Variants in USP24 observed in about 807,000 individuals in gnomAD.
USP24 encodes the protein ubiquitin carboxyl-terminal hydrolase 24.
USP24 carries 97 observed loss-of-function variants against 361.6 expected under a neutral mutation model. That is an observed-to-expected ratio of 0.27 (90% CI 0.23 to 0.32). USP24 has a LOEUF of 0.32. Among genes scored for constraint, USP24 ranks in the 10% least tolerant of loss-of-function variants. USP24 has a pLI of 1.00. For missense variants in USP24, 2,353 were observed against 3,165.6 expected (o/e 0.74, Z 6.16); for synonymous variants, 1,098 against 1,124.6 (o/e 0.98, Z 0.47).
intron 32 of USP24, among the ~76,000 whole-genome samples, chr1:55,126,580 A>G (rs995625267): frequency 2.0e-5 from 3 of 152,268 alleles, no homozygotes; most frequent in Non-Finnish European, 4.4e-5. Flanking sequence ...TAAATGACAT[A>G]CACAAATAAG....
At chr1:55,137,281 C>T (rs1304933056) in intron 28 of USP24, among the ~76,000 whole-genome samples, 3 of 152,136 alleles carry the variant, frequency 2.0e-5, no homozygotes, top group Non-Finnish European at 4.4e-5. Flanking sequence ...AAAAGAAAAG[C>T]TGGAAACGAG....
At chr1:55,118,640 T>C (rs1209729681) in intron 38 of USP24, among the ~76,000 whole-genome samples, 1 of 152,222 alleles carries the variant, frequency 6.6e-6, no homozygotes, top group African/African-American at 2.4e-5. Flanking sequence ...AACCCACAGA[T>C]TGGGAGAAAA....
intron 19 of USP24, 110 bp downstream of exon 19, chr1:55,146,819 C>A (rs1647041300): frequency 3.0e-6 from 4 of 1,324,126 alleles, no homozygotes; most frequent in Non-Finnish European, 4.1e-6. Context: ...TTGGCCCATA[C>A]TATTTATGCT....
chr1:55,103,738 T>C, intron 42 of USP24, 138 bp downstream of exon 42: 1 of 869,444 alleles, frequency 1.2e-6, no homozygotes, highest in Non-Finnish European at 1.7e-6. Context: ...TATACTTGAT[T>C]TGAGTATGTG....
intron 17 of USP24, among the ~76,000 whole-genome samples, chr1:55,148,139 C>A (rs1647082657): frequency 6.6e-6 from 1 of 152,110 alleles, no homozygotes; most frequent in East Asian, 1.9e-4. Context: ...GCAAACTAAT[C>A]TTTTTGTGAT....
At chr1:55,168,879 G>C (rs1436282333) in intron 5 of USP24, among the ~76,000 whole-genome samples, 1 of 152,078 alleles carries the variant, frequency 6.6e-6, no homozygotes, top group African/African-American at 2.4e-5. Context: ...TTGGAAGAAA[G>C]AACTTTCAAC....
Position 55,154,191 on chromosome 1 carries a change from A to G in USP24, c.1740T>C (p.Leu580=), listed in dbSNP as rs1004137610. 1 of 1,613,500 alleles carries G rather than the reference A, an allele frequency of 6.2e-7. No individual in the cohort carries two copies. Among genetic ancestry groups the G allele is most frequent in the African/African-American group, 1.3e-5 (1 of 74,896 alleles). The change falls in exon 15 of 68, where the codon CTT becomes CTC. Residue 580 remains leucine, a synonymous_variant. Transcript: ENST00000294383. ...CTTCTTTCACTGCATATGCATCACT[A>G]AGGATTGTCAGGTGCTCCTCCAAGG... ...QQALEEHLTI[L]SDAYAVKEAI...
In USP24 at chr1:55,171,686, C is replaced by T. The variant is rs576473331; in HGVS notation, c.703-8G>A. On this transcript the variant is annotated splice_region_variant and splice_polypyrimidine_tract_variant and intron_variant, in intron 4 of 67. Coordinates refer to ENST00000294383, the MANE Select transcript of USP24 (RefSeq NM_015306.3). ...ATTATCAGGATTGAAAGCCTAGATT[C>T]AAAGAGAACAGAGAAACATTATTAT... is the stretch of plus-strand genomic sequence containing the variant. 1.3e-6 allele frequency: 2 copies of T among 1,598,118 alleles called. No individual in the cohort carries two copies. Among genetic ancestry groups the T allele is most frequent in the Admixed American group, 3.4e-5 (2 of 58,090 alleles).
At chr1:55,107,529 T>C in intron 39 of USP24, 99 bp from the exon 40 acceptor site, 1 of 1,330,232 alleles carries the variant, frequency 7.5e-7, no homozygotes, top group Middle Eastern at 2.2e-4. Flanking sequence ...CCCCAATCTT[T>C]CACTTTACAG....
Position 55,097,124 on chromosome 1 carries a change from G to C in USP24, c.5764C>G (p.Arg1922Gly). 1 of 1,613,920 alleles carries C rather than the reference G, an allele frequency of 6.2e-7. No homozygotes were observed. Among genetic ancestry groups the C allele is most frequent in the Non-Finnish European group, 8.5e-7 (1 of 1,179,876 alleles). ...CCAACTTCAGAAGAAGAATCTTGGC[G>C]AGCCATTCCTGAAACTGTGTAAGGC... ...MEPYTVSGMA[R>G]QDSSSEVGEN... is the part of the protein sequence containing the mutation. Residue 1922 changes from arginine to glycine, a missense_variant, in exon 49 of 68, where the codon CGC (arginine) becomes GGC (glycine). By Grantham distance (125) the Arg-to-Gly change is moderately radical. Coordinates refer to ENST00000294383, the MANE Select transcript of USP24 (RefSeq NM_015306.3).
rs534620228 is a variant in USP24, at chr1:55,071,609, C to T, written c.7800+205G>A. 2.1e-5 allele frequency: 25 copies of T among 1,179,078 alleles called. No homozygotes were observed. In the South Asian group the frequency reaches 3.4e-4, roughly 16 times the overall value. 73.0% of individuals were successfully genotyped at this position (1,179,078 alleles called of 1,614,324 possible). ...CACAAACACCTCGAGGCCTTCCATTCACTTCACACTGCAGCACTACTCAGC... is the reference window on the plus strand; with the variant it reads ...CACAAACACCTCGAGGCCTTCCATTTACTTCACACTGCAGCACTACTCAGC... On this transcript the variant is annotated intron_variant, in intron 67 of 67. Transcript: ENST00000294383.
chr1:55,142,263 G>C (rs937035159), intron 23 of USP24, among the ~76,000 whole-genome samples: 1 of 152,128 alleles, frequency 6.6e-6, no homozygotes, highest in Non-Finnish European at 1.5e-5. Flanking sequence ...ATGTGAGCTA[G>C]CATTACACAG....
rs1047858896 is a variant in USP24 at position 55,158,798 on chromosome 1, T to C, written c.1227+80A>G. ...AATAAATTATTCATATTTCCCAAAA[T>C]TGTTATATTAATAAGCATACATCTT... On this transcript the variant is annotated intron_variant, in intron 10 of 67. Coordinates refer to ENST00000294383, the MANE Select transcript of USP24 (RefSeq NM_015306.3). 17 of 1,165,604 alleles carry C rather than the reference T, an allele frequency of 1.5e-5. No individual in the cohort carries two copies. The African/African-American group carries it at 1.7e-4, about 12-fold the overall frequency. The allele number at this position is 1,165,604 out of a possible 1,614,324, so 72.2% of individuals were successfully genotyped here. A position where few individuals can be genotyped will look rare whatever the true frequency, so the allele number is the denominator to read the frequency against.
intron 1 of USP24, among the ~76,000 whole-genome samples, chr1:55,208,337 A>G (rs1440802820): frequency 6.6e-6 from 1 of 152,212 alleles, no homozygotes; most frequent in African/African-American, 2.4e-5. Flanking sequence ...CGACAGAAAC[A>G]ATAATGTTGG....
At chr1:55,201,085 G>T (rs1279732570) in intron 1 of USP24, among the ~76,000 whole-genome samples, 1 of 152,128 alleles carries the variant, frequency 6.6e-6, no homozygotes, top group African/African-American at 2.4e-5. Flanking sequence ...TCTGCCAAAA[G>T]ACTACAAAAA....
intron 56 of USP24, among the ~76,000 whole-genome samples, chr1:55,085,634 T>A (rs1457172026): frequency 2.0e-5 from 3 of 152,196 alleles, no homozygotes; most frequent in African/African-American, 4.8e-5. Flanking sequence ...AGACACAGAT[T>A]AGTCTCAGTT....
At chr1:55,103,659 C>T (rs1557562789) in intron 42 of USP24, among the ~76,000 whole-genome samples, 1 of 152,132 alleles carries the variant, frequency 6.6e-6, no homozygotes, top group Non-Finnish European at 1.5e-5. Context: ...CTTGAAAATG[C>T]CTCTCCCTCT....
chr1:55,145,881 C>A, intron 20 of USP24, 117 bp downstream of exon 20: 2 of 687,512 alleles, frequency 2.9e-6, no homozygotes, highest in Non-Finnish European at 2.4e-6. Context: ...AAGAAAAATT[C>A]TAGAAGGATA....
chr1:55,148,874 A>G (rs1484466950), intron 16 of USP24, among the ~76,000 whole-genome samples: 2 of 152,254 alleles, frequency 1.3e-5, no homozygotes, highest in East Asian at 3.8e-4. Context: ...AGGATAGATT[A>G]AGTAGCACAG....
Sources: gnomAD v4.1 joint callset for allele counts (sites outside exome capture counted in the v4.1 genomes callset) on GRCh38, gnomAD v4.1.1 for gene constraint, MANE v1.5 for transcripts, NCBI Gene and HGNC (gene_info 2026-07-23, HGNC 2026-07-21) for gene names.